Variants in MGAM observed in about 807,000 individuals in gnomAD.
MGAM encodes alpha-1,4-glucosidase.
Under a neutral mutation model 358.8 loss-of-function variants are expected in MGAM, and 253 were observed. That is an observed-to-expected ratio of 0.71 (90% CI 0.64 to 0.78). MGAM has a LOEUF of 0.78. Among genes scored for constraint, MGAM ranks in the 30% least tolerant of loss-of-function variants. The probability of loss-of-function intolerance (pLI) is 0.00; values close to 1 mark genes in which losing one functional copy is unlikely to be tolerated. For missense variants in MGAM, 3,080 were observed against 3,432.6 expected (o/e 0.90, Z 2.57); for synonymous variants, 1,105 against 1,227.1 (o/e 0.90, Z 2.08).
At chr7:142,049,863 A>C (rs372084004) in intron 22 of MGAM, among the ~76,000 whole-genome samples, 1 of 152,194 alleles carries the variant, frequency 6.6e-6, no homozygotes, top group Admixed American at 6.5e-5. Flanking sequence ...GTAAATTGTT[A>C]CAACCGTTAT....
At chr7:142,032,782 A>ACATGATACTTTTTCTTAATAGTTTTTGCT in intron 13 of MGAM, 43 bp from the exon 14 acceptor site, 1 of 1,222,760 alleles carries the variant, frequency 8.2e-7, no homozygotes, top group South Asian at 1.3e-5. Context: ...TCATAAGATA[A>ACATGATACTTTTTCTTAATAGTTTTTGCT]CATGTTACTT....
At chr7:141,996,120 A>G (rs781816217) in intron 1 of MGAM, among the ~76,000 whole-genome samples, 190 bp downstream of exon 1, 14 of 151,882 alleles carry the variant, frequency 9.2e-5, no homozygotes, top group Non-Finnish European at 1.9e-4. Context: ...ACCATGGTGA[A>G]ACCCCATCTC....
intron 27 of MGAM, 137 bp from the exon 28 acceptor site, chr7:142,055,421 A>G (rs752877073): frequency 2.9e-6 from 3 of 1,044,716 alleles, no homozygotes; most frequent in Non-Finnish European, 4.3e-6. Context: ...TTTTAATCAA[A>G]TTGAGTTTCA....
In MGAM at chr7:142,072,565, G is replaced by T. The variant is rs1251852103; in HGVS notation, c.5186+1447G>T. 4.1e-5 allele frequency among the ~76,000 whole-genome samples: 6 copies of T among 146,312 alleles called. 2 individuals are homozygous for T. The highest frequency in any genetic ancestry group is 9.3e-5 in the Non-Finnish European group (6 of 64,598). On this transcript the variant is annotated intron_variant, in intron 44 of 70. Transcript: ENST00000475668. ...TCTGTGCATGAAAATTGTAGTATCT[G>T]AAGTGTTTAGGACCATCTAAATCTA...
At chr7:142,086,068 T>C (rs747915754) in intron 55 of MGAM, 107 bp downstream of exon 55, 22 of 1,480,786 alleles carry the variant, frequency 1.5e-5, no homozygotes, top group African/African-American at 6.8e-5. Context: ...AATTGAAGTG[T>C]AGTAAGAAAT....
chr7:142,025,265 G>A (rs1318142457), intron 8 of MGAM, 116 bp downstream of exon 8: 2 of 719,594 alleles, frequency 2.8e-6, no homozygotes, highest in Non-Finnish European at 4.6e-6. Flanking sequence ...AGTGTAGGGA[G>A]GGCCTTATAG....
chr7:141,991,878 A>G (rs1803962896), upstream of MGAM, among the ~76,000 whole-genome samples: 1 of 152,176 alleles, frequency 6.6e-6, no homozygotes, highest in Non-Finnish European at 1.5e-5. Flanking sequence ...CACCACAATG[A>G]TTATACCTTG....
intron 22 of MGAM, among the ~76,000 whole-genome samples, chr7:142,049,049 T>C (rs925815361): frequency 6.6e-6 from 1 of 152,198 alleles, no homozygotes; most frequent in Admixed American, 6.6e-5. Context: ...ACAACAGTTA[T>C]ACTGTCTGCT....
chr7:142,076,568 T>G, intron 46 of MGAM, 91 bp from the exon 47 acceptor site: 1 of 1,160,572 alleles, frequency 8.6e-7, no homozygotes. Flanking sequence ...CAGTGGGGGG[T>G]ATCCAGTCTG....
rs781972911 is a variant in MGAM, at chr7:142,030,687, C to T, written c.1400C>T (p.Pro467Leu). The T allele has an allele frequency of 3.6e-5, 58 of 1,613,252 alleles. No homozygotes were observed. In the South Asian group the frequency reaches 6.4e-4, roughly 18 times the overall value. Residue 467 changes from proline (P) to leucine (L), a missense_variant, in exon 12 of 71, where the codon CCA becomes CTA. Pro to Leu is a moderately conservative substitution (Grantham distance 98, BLOSUM62 -3). Coordinates refer to ENST00000475668, the MANE Select transcript of MGAM (RefSeq NM_001365693.1). ...TCTTCCTCAAGTAAACCCTATGGCC[C>T]ATATGACAGGGGTTCAGATATGAAG... Reference protein sequence around the residue: ...NNSSSSKPYGPYDRGSDMKIW... With the variant: ...NNSSSSKPYGLYDRGSDMKIW...
At chr7:142,026,381 C>T (rs1806972352) in intron 8 of MGAM, among the ~76,000 whole-genome samples, 1 of 152,016 alleles carries the variant, frequency 6.6e-6, no homozygotes, top group African/African-American at 2.4e-5. Context: ...TCTTGGGAGG[C>T]TGCAAATTAA....
intron 29 of MGAM, among the ~76,000 whole-genome samples, chr7:142,056,517 C>T (rs1303535140): frequency 6.6e-6 from 1 of 152,114 alleles, no homozygotes; most frequent in African/African-American, 2.4e-5. Flanking sequence ...ACCTCAGCAT[C>T]ATGCAATATT....
Position 141,998,020 on chromosome 7 carries a change from T to A in MGAM, c.-3+2090T>A, listed in dbSNP as rs868945900. On this transcript the variant is annotated intron_variant, in intron 1 of 70. Coordinates refer to ENST00000475668, the MANE Select transcript of MGAM (RefSeq NM_001365693.1). ...AATGGCTTAGACCTCCATATACACA[T>A]CAAACGCTGGCTATAATGCCGGAAA... Among the ~76,000 whole-genome samples, 4 of 152,286 alleles carry A rather than the reference T, an allele frequency of 2.6e-5. No homozygotes were observed. The South Asian group carries it at 6.2e-4, about 24-fold the overall frequency.
At chr7:142,045,217 G>GTA (rs1554472509) in intron 21 of MGAM, among the ~76,000 whole-genome samples, 1 of 63,486 alleles carries the variant, frequency 1.6e-5, no homozygotes, top group East Asian at 5.3e-4. Context: ...TAACATATAT[G>GTA]TATATAATAT....
chr7:142,084,417 G>A lies in MGAM; in HGVS notation c.6382-102G>A. ...TTTTGATGTGGAATTCAATTAGTTA[G>A]TTGTCTAGCTTGGGGCACAGAAAAA... is the stretch of plus-strand genomic sequence containing the variant. On this transcript the variant is annotated intron_variant, in intron 53 of 70. Transcript: ENST00000475668. The A allele has an allele frequency of 3.1e-6, 4 of 1,306,156 alleles. 1 individual carries two copies. The highest frequency in any genetic ancestry group is 4.3e-6 in the Non-Finnish European group (4 of 934,068). The allele number at this position is 1,306,156 out of a possible 1,614,324, so 80.9% of individuals were successfully genotyped here. A position where few individuals can be genotyped will look rare whatever the true frequency, so the allele number is the denominator to read the frequency against.
chr7:142,060,508 G>A (rs1413771375), intron 34 of MGAM, 135 bp downstream of exon 34: 12 of 1,059,386 alleles, frequency 1.1e-5, no homozygotes, highest in Non-Finnish European at 1.7e-5. Flanking sequence ...TGTCTTGGGT[G>A]TCATTCTGTA....
At chr7:142,016,127 A>G (rs1447679828) in intron 3 of MGAM, among the ~76,000 whole-genome samples, 2 of 152,120 alleles carry the variant, frequency 1.3e-5, no homozygotes, top group Admixed American at 6.5e-5. Flanking sequence ...TTTGACATAA[A>G]GTACTTTCTT....
At chr7:142,026,205 TTTTTTTAG>T (rs1806952194) in intron 8 of MGAM, among the ~76,000 whole-genome samples, 1 of 152,210 alleles carries the variant, frequency 6.6e-6, no homozygotes, top group Admixed American at 6.5e-5. Context: ...TCTGACTTTT[TTTTTTTAG>T]TTTGGCTTTT....
At chr7:142,012,672 A>T (rs1805684197) in intron 3 of MGAM, among the ~76,000 whole-genome samples, 1 of 152,260 alleles carries the variant, frequency 6.6e-6, no homozygotes, top group Non-Finnish European at 1.5e-5. Flanking sequence ...TTTGTAAGTC[A>T]GAGATTCTGC....
Sources: gnomAD v4.1 joint callset for allele counts (sites outside exome capture counted in the v4.1 genomes callset) on GRCh38, gnomAD v4.1.1 for gene constraint, MANE v1.5 for transcripts, NCBI Gene and HGNC (gene_info 2026-07-23, HGNC 2026-07-21) for gene names.